ZC4H2: variants seen among roughly 807,000 people sequenced by gnomAD.
ZC4H2 encodes the protein zinc finger C4H2 domain-containing protein.
For synonymous variants in ZC4H2, 84 were observed against 66.3 expected (o/e 1.27, Z -1.30); for missense variants, 137 against 173.9 (o/e 0.79, Z 1.19).
intron 1 of ZC4H2, among the ~76,000 whole-genome samples, chrX:64,954,358 A>AAT (rs1569215138): frequency 1.4e-4 from 9 of 65,364 alleles, no homozygotes; most frequent in Non-Finnish European, 2.1e-4. Context: ...ATATATAATT[A>AAT]TATATATATA....
chrX:64,929,551 G>A (rs1929643718), intron 1 of ZC4H2, among the ~76,000 whole-genome samples: 3 of 111,328 alleles, frequency 2.7e-5, no homozygotes, highest in African/African-American at 9.8e-5. Context: ...TATAAGGTGA[G>A]AGGTGAGGAT....
intron 1 of ZC4H2, among the ~76,000 whole-genome samples, chrX:65,023,549 A>G (rs1932852742): frequency 8.9e-6 from 1 of 112,114 alleles, no homozygotes; most frequent in Non-Finnish European, 1.9e-5. Context: ...AATCAAAACC[A>G]CAATGAGATA....
intron 1 of ZC4H2, among the ~76,000 whole-genome samples, chrX:64,934,692 G>A (rs750467107): frequency 3.6e-5 from 4 of 111,951 alleles, no homozygotes; most frequent in Non-Finnish European, 5.6e-5. Flanking sequence ...CAAGAAGGAC[G>A]AGCCAAAGCA....
intron 4 of ZC4H2, chrX:64,918,717 C>G: frequency 5.4e-6 from 1 of 184,084 alleles, no homozygotes; most frequent in Non-Finnish European, 1.0e-5. Context: ...CTGGAACCAG[C>G]TTTATAATCC....
At chrX:65,025,671 C>T (rs887072796) in intron 1 of ZC4H2, among the ~76,000 whole-genome samples, 5 of 111,529 alleles carry the variant, frequency 4.5e-5, no homozygotes, top group African/African-American at 6.5e-5. Flanking sequence ...TTTGCTTTCT[C>T]CATGTGGAAC....
chrX:64,960,655 A>G (rs989435059), intron 1 of ZC4H2, among the ~76,000 whole-genome samples: 9 of 112,516 alleles, frequency 8.0e-5, no homozygotes, highest in African/African-American at 2.9e-4. Flanking sequence ...ATACAAATAC[A>G]TGCAGCAACC....
intron 1 of ZC4H2, among the ~76,000 whole-genome samples, chrX:64,953,714 T>C (rs1018836709): frequency 1.3e-4 from 15 of 111,834 alleles, no homozygotes; most frequent in African/African-American, 4.9e-4. Flanking sequence ...TTTCACACTG[T>C]TGGTGGGACT....
At chrX:64,951,555 T>C (rs1415705321) in intron 1 of ZC4H2, among the ~76,000 whole-genome samples, 2 of 112,478 alleles carry the variant, frequency 1.8e-5, no homozygotes, top group African/African-American at 6.5e-5. Flanking sequence ...TGGCCAGTGA[T>C]GGTGAGCATT....
intron 1 of ZC4H2, among the ~76,000 whole-genome samples, chrX:64,943,961 G>C (rs1295351305): frequency 9.1e-6 from 1 of 110,172 alleles, no homozygotes; most frequent in Non-Finnish European, 1.9e-5. Flanking sequence ...TTTTGCAGTG[G>C]CTGGTACCAG....
Position 64,986,921 on chromosome X carries a change from C to CTTT in ZC4H2, c.-272+47705_-272+47707dup, listed in dbSNP as rs1028871395. Among the ~76,000 whole-genome samples, 217 of 79,457 alleles carry CTTT rather than the reference C, an allele frequency of 2.7e-3. 3 individuals are homozygous for CTTT. Among genetic ancestry groups the CTTT allele is most frequent in the African/African-American group, 5.1e-3 (98 of 19,081 alleles). 69.0% of individuals were successfully genotyped at this position (79,457 alleles called of 115,157 possible). A position where few individuals can be genotyped will look rare whatever the true frequency, so the allele number is the denominator to read the frequency against. Reference sequence around the variant, plus strand: ...TTCCGTAGACACAGACAAGATAATTCTTTTTTTTTTTTTTTTTTTTTTATG... The same window carrying CTTT: ...TTCCGTAGACACAGACAAGATAATTCTTTTTTTTTTTTTTTTTTTTTTTTTATG... On this transcript the variant is annotated intron_variant, in intron 1 of 4. Transcript: ENST00000337990.
intron 1 of ZC4H2, among the ~76,000 whole-genome samples, chrX:64,935,336 G>C (rs1178867519): frequency 8.9e-6 from 1 of 112,042 alleles, no homozygotes; most frequent in East Asian, 2.8e-4. Context: ...GGGACTTATA[G>C]ATAAAACCCC....
chrX:64,957,090 A>G (rs915685485), intron 1 of ZC4H2, among the ~76,000 whole-genome samples: 3 of 112,428 alleles, frequency 2.7e-5, no homozygotes, highest in Non-Finnish European at 5.6e-5. Flanking sequence ...CAAGATTGAA[A>G]ACGTAACTTA....
chrX:64,977,567 C>T (rs939985278), upstream of ZC4H2, among the ~76,000 whole-genome samples: 2 of 111,891 alleles, frequency 1.8e-5, no homozygotes, highest in Non-Finnish European at 3.8e-5. Context: ...GCACAGATCT[C>T]GGCCCACTGC....
chrX:64,931,197 G>C (rs1328242266), intron 1 of ZC4H2, among the ~76,000 whole-genome samples: 1 of 111,550 alleles, frequency 9.0e-6, no homozygotes, highest in Non-Finnish European at 1.9e-5. Flanking sequence ...CATGGTATCA[G>C]TTGTAATATC....
intron 1 of ZC4H2, among the ~76,000 whole-genome samples, chrX:64,956,110 T>C (rs1347453866): frequency 1.8e-5 from 2 of 112,140 alleles, no homozygotes; most frequent in African/African-American, 3.2e-5. Flanking sequence ...TAAATTCTCT[T>C]GTGAAAGTTA....
rs1273001568 is a variant in ZC4H2 at position 64,917,685 on chromosome X, C to T, written c.*98G>A. 2.7e-6 allele frequency: 3 copies of T among 1,112,906 alleles called. No homozygotes were observed. Among genetic ancestry groups the T allele is most frequent in the Admixed American group, 5.5e-5 (2 of 36,616 alleles). The allele number at this position is 1,112,906 out of a possible 1,213,427, so 91.7% of individuals were successfully genotyped here. A position where few individuals can be genotyped will look rare whatever the true frequency, so the allele number is the denominator to read the frequency against. On this transcript the variant is annotated 3_prime_UTR_variant, in exon 5 of 5. Transcript: ENST00000374839. ...TTCCATCACATTAAATAGGAGACTT[C>T]GTGGGGTTGGGCAAGGGTTGTTTCA...
intron 1 of ZC4H2, among the ~76,000 whole-genome samples, chrX:65,008,051 C>A (rs1032620830): frequency 9.0e-6 from 1 of 111,159 alleles, no homozygotes; most frequent in South Asian, 3.8e-4. Flanking sequence ...AAAATATTTG[C>A]AAAGTACCTA....
At chrX:64,968,856 C>G (rs995564762) in intron 1 of ZC4H2, among the ~76,000 whole-genome samples, 9 of 111,225 alleles carry the variant, frequency 8.1e-5, no homozygotes, top group African/African-American at 3.0e-4. Flanking sequence ...CTCCCAGGTC[C>G]GAAGGCTAGG....
At chrX:64,942,481 GC>G (rs778606542) in intron 1 of ZC4H2, among the ~76,000 whole-genome samples, 2 of 86,259 alleles carry the variant, frequency 2.3e-5, no homozygotes, top group Non-Finnish European at 4.6e-5. Flanking sequence ...CTCTCCCCTT[GC>G]CCCCCCACCC....
Sources: allele counts gnomAD v4.1 joint callset (sites outside exome capture counted in the v4.1 genomes callset), GRCh38; gene constraint gnomAD v4.1.1; transcripts MANE v1.5; gene names NCBI Gene and HGNC (gene_info 2026-07-23, HGNC 2026-07-21).